Variants in DTL observed in about 807,000 individuals in gnomAD.
The protein encoded by DTL is denticleless protein homolog.
Under a neutral mutation model 87.0 loss-of-function variants are expected in DTL, and 46 were observed. That is an observed-to-expected ratio of 0.53 (90% CI 0.42 to 0.68). DTL has a LOEUF of 0.68. Among genes scored for constraint, DTL ranks in the 30% least tolerant of loss-of-function variants. The pLI, the probability that DTL is intolerant of heterozygous loss-of-function variation, is 0.00. For missense variants in DTL, 737 were observed against 869.4 expected (o/e 0.85, Z 1.91); for synonymous variants, 308 against 311.2 (o/e 0.99, Z 0.11).
chr1:212,065,348 G>A (rs4397712), intron 7 of DTL, among the ~76,000 whole-genome samples: 143,491 of 151,368 alleles, frequency 0.95, 68,082 homozygotes, highest in East Asian at 1. Context: ...GCAGAAAGTG[G>A]TTTTTTTTTT....
In DTL at chr1:212,087,861, C is replaced by T. The variant is rs1655176445; in HGVS notation, c.1261+7111C>T. 4.6e-5 allele frequency among the ~76,000 whole-genome samples: 7 copies of T among 152,156 alleles called. No homozygotes were observed. The South Asian group carries it at 1.4e-3, about 31-fold the overall frequency. ...CTGGGCTGCTTATCTTCACTTCTGG[C>T]CCTGGCTTGTAAACCCCCTCAGTTA... On this transcript the variant is annotated intron_variant, in intron 13 of 14. Transcript: ENST00000366991.
At chr1:212,073,550 G>A (rs1654739276) in intron 11 of DTL, among the ~76,000 whole-genome samples, 1 of 152,076 alleles carries the variant, frequency 6.6e-6, no homozygotes, top group South Asian at 2.1e-4. Context: ...TAATTCTTCA[G>A]CTTAATTTCT....
chr1:212,090,340 C>T (rs547654381), intron 13 of DTL, among the ~76,000 whole-genome samples: 1 of 152,310 alleles, frequency 6.6e-6, no homozygotes, highest in African/African-American at 2.4e-5. Flanking sequence ...AAAGTGAGTA[C>T]TTGCCAATCT....
chr1:212,062,816 T>TAA lies in DTL; in HGVS notation c.461-66_461-65dup. On this transcript the variant is annotated intron_variant, in intron 5 of 14. Transcript: ENST00000366991. ...CACATAATAGATAGTCTACAAAATG[T>TAA]AAACTGAAATATATGTGTCATTGAC... The TAA allele has an allele frequency of 3.7e-6, 5 of 1,336,250 alleles. No individual in the cohort carries two copies. In the South Asian group the frequency reaches 5.9e-5, roughly 16 times the overall value. 82.8% of individuals were successfully genotyped at this position (1,336,250 alleles called of 1,614,324 possible).
intron 12 of DTL, among the ~76,000 whole-genome samples, chr1:212,079,717 A>G (rs960310103): frequency 6.6e-6 from 1 of 152,214 alleles, no homozygotes; most frequent in Non-Finnish European, 1.5e-5. Flanking sequence ...GCAAATAACT[A>G]TTGTTAATAA....
At chr1:212,056,093 ACCACT>A (rs1668166902) in intron 5 of DTL, among the ~76,000 whole-genome samples, 1 of 152,038 alleles carries the variant, frequency 6.6e-6, no homozygotes, top group African/African-American at 2.4e-5. Flanking sequence ...CATCATCCAC[ACCACT>A]CCACACCTCC....
intron 6 of DTL, 74 bp from the exon 7 acceptor site, chr1:212,064,843 G>T: frequency 8.2e-7 from 1 of 1,222,854 alleles, no homozygotes; most frequent in Non-Finnish European, 1.2e-6. Context: ...ACTTAATATT[G>T]AAGTTTTATT....
intron 1 of DTL, among the ~76,000 whole-genome samples, chr1:212,041,511 G>T (rs1007672438): frequency 8.3e-6 from 1 of 121,170 alleles, no homozygotes; most frequent in Non-Finnish European, 1.7e-5. Flanking sequence ...TTTTGGCGGG[G>T]GGGTGGGGGG....
chr1:212,050,122 G>A (rs986613281), intron 5 of DTL, among the ~76,000 whole-genome samples: 2 of 152,150 alleles, frequency 1.3e-5, no homozygotes, highest in East Asian at 3.9e-4. Flanking sequence ...AGTGAGCTGT[G>A]ATTGTGCCAT....
chr1:212,092,289 C>T (rs1655307105), intron 13 of DTL, among the ~76,000 whole-genome samples: 1 of 152,200 alleles, frequency 6.6e-6, no homozygotes, highest in Non-Finnish European at 1.5e-5. Flanking sequence ...AATCCTAGCA[C>T]TTTGGGAGGC....
At chr1:212,043,159 A>G in intron 2 of DTL, 41 bp downstream of exon 2, 1 of 1,584,502 alleles carries the variant, frequency 6.3e-7, no homozygotes, top group Non-Finnish European at 8.6e-7. Context: ...GACAGAAATG[A>G]TCTATTTCAC....
Position 212,064,899 on chromosome 1 carries a change from C to T in DTL, c.527-18C>T, listed in dbSNP as rs1161915613. The T allele has an allele frequency of 6.3e-7, 1 of 1,592,450 alleles. No individual in the cohort carries two copies. The highest frequency in any genetic ancestry group is 1.3e-5 in the African/African-American group (1 of 74,444). The stretch of plus-strand genomic sequence containing the variant: ...TGTAAGAATCCTGAAACCTAAATTT[C>T]CTTGGAATATCTTTCAGATGGGTTT... On this transcript the variant is annotated intron_variant, in intron 6 of 14. Coordinates refer to ENST00000366991, the MANE Select transcript of DTL (RefSeq NM_016448.4).
rs778307778 is a variant in DTL at position 212,047,448 on chromosome 1, T to G, written c.460+31T>G. 3 of 1,612,832 alleles carry G rather than the reference T, an allele frequency of 1.9e-6. No homozygotes were observed. The South Asian group carries it at 3.3e-5, about 18-fold the overall frequency. On this transcript the variant is annotated intron_variant, in intron 5 of 14. Coordinates refer to ENST00000366991, the MANE Select transcript of DTL (RefSeq NM_016448.4). Reference sequence around the variant, plus strand: ...TTTGTGCTTATCTTCTTTCATCTCCTTAACCTTCTTTGCAGTTGGGAGATA... The same window carrying G: ...TTTGTGCTTATCTTCTTTCATCTCCGTAACCTTCTTTGCAGTTGGGAGATA...
chr1:212,056,309 G>T (rs907409338), intron 5 of DTL, among the ~76,000 whole-genome samples: 1 of 152,154 alleles, frequency 6.6e-6, no homozygotes, highest in Admixed American at 6.5e-5. Context: ...GGCCCACCTG[G>T]TATTTCAATT....
chr1:212,083,598 A>G (rs1046984614), intron 13 of DTL, among the ~76,000 whole-genome samples: 41 of 152,256 alleles, frequency 2.7e-4, no homozygotes, highest in South Asian at 2.1e-4. Context: ...TAAGTGGCTT[A>G]GGAGAGTGAA....
At position 212,047,434 on chromosome 1, in the gene DTL, C is replaced by G. The variant is rs1448997679; in HGVS notation, c.460+17C>G. 1.9e-5 allele frequency: 30 copies of G among 1,613,962 alleles called. No homozygotes were observed. Among genetic ancestry groups the G allele is most frequent in the East Asian group, 4.5e-5 (2 of 44,896 alleles). ...TTGAGAAAGGTAGGTTTGTGCTTAT[C>G]TTCTTTCATCTCCTTAACCTTCTTT... On this transcript the variant is annotated intron_variant, in intron 5 of 14. Transcript: ENST00000366991.
At chr1:212,063,608 A>G (rs1245694059) in intron 6 of DTL, among the ~76,000 whole-genome samples, 2 of 152,170 alleles carry the variant, frequency 1.3e-5, no homozygotes, top group Admixed American at 1.3e-4. Flanking sequence ...AAAGAATTAG[A>G]TTGAATTAAA....
At position 212,068,629 on chromosome 1, in the gene DTL, G is replaced by A. The variant is rs764380420; in HGVS notation, c.848G>A (p.Gly283Asp). 1.6e-5 allele frequency: 26 copies of A among 1,612,864 alleles called. No individual in the cohort carries two copies. Among genetic ancestry groups the A allele is most frequent in the African/African-American group, 6.7e-5 (5 of 74,830 alleles). The change falls in exon 10 of 15, where the codon GGC becomes GAC. Residue 283 changes from glycine (G) to aspartate (D), a missense_variant. Transcript: ENST00000366991. ...GYSSLILDST[G>D]STLFANCTDD... ...TCAAGTCTGATTTTGGATTCCACTG[G>A]CTCTACTTTATTTGCTAATTGCACA...
rs1655700409 is a variant in DTL, at chr1:212,104,007, C to G, written c.*1067C>G. On this transcript the variant is annotated 3_prime_UTR_variant, in exon 15 of 15. Coordinates refer to ENST00000366991, the MANE Select transcript of DTL (RefSeq NM_016448.4). ...GAGCCAAAAAGTAATAGAATTTTCT[C>G]TAGATATTTAATACAGAGAGTGTAT... The G allele has an allele frequency of 6.6e-6, 1 of 152,134 alleles. No individual in the cohort carries two copies. The highest frequency in any genetic ancestry group is 6.6e-5 in the Admixed American group (1 of 15,264). The allele number at this position is 152,134 out of a possible 1,614,324, so 9.4% of individuals were successfully genotyped here.
Sources: gnomAD v4.1 joint callset for allele counts (sites outside exome capture counted in the v4.1 genomes callset) on GRCh38, gnomAD v4.1.1 for gene constraint, MANE v1.5 for transcripts, NCBI Gene and HGNC (gene_info 2026-07-23, HGNC 2026-07-21) for gene names.